Variants in RAB9A observed in about 807,000 individuals in gnomAD.
The protein encoded by RAB9A is ras-related protein Rab-9A.
In RAB9A, 1 loss-of-function variant was observed where a neutral mutation model predicts 10.3. The observed-to-expected ratio is 0.10, with a 90% CI of 0.03 to 0.46. The LOEUF (loss-of-function observed/expected upper bound fraction) is 0.46. Among genes scored for constraint, RAB9A ranks in the 20% least tolerant of loss-of-function variants. The pLI is 0.96. For missense variants in RAB9A, 92 were observed against 150.3 expected, an observed-to-expected ratio of 0.61 and a Z score of 2.03; for synonymous variants, 39 against 55.2, an observed-to-expected ratio of 0.71 and a Z score of 1.30.
chrX:13,695,448 T>G (rs2046143291), intron 1 of RAB9A, among the ~76,000 whole-genome samples: 1 of 111,924 alleles, frequency 8.9e-6, no homozygotes, highest in Non-Finnish European at 1.9e-5. Flanking sequence ...GTGTCCAACT[T>G]GCAGGTAATT....
At chrX:13,703,134 T>A (rs1354191847) in intron 1 of RAB9A, among the ~76,000 whole-genome samples, 1 of 112,582 alleles carries the variant, frequency 8.9e-6, no homozygotes, top group Non-Finnish European at 1.9e-5. Context: ...TTCTTACCAT[T>A]TGCAATTGCT....
At position 13,709,282 on chromosome X, in the gene RAB9A, C is replaced by T. The variant is rs1305926084; in HGVS notation, c.536C>T (p.Ser179Leu). Residue 179 changes from serine to leucine, a missense_variant, in exon 3 of 3, where the codon TCA (serine) becomes TTA (leucine). Transcript: ENST00000464506. The stretch of plus-strand genomic sequence containing the variant: ...AGAGTTCTTGCTACCGAGGATAGGT[C>T]AGATCATTTGATTCAGACAGACACA... ...VRRVLATEDR[S>L]DHLIQTDTVN... 14 of 1,210,935 alleles carry T rather than the reference C, an allele frequency of 1.2e-5. No homozygotes were observed. The highest frequency in any genetic ancestry group is 1.6e-5 in the Non-Finnish European group (14 of 895,095).
At chrX:13,706,732 A>G (rs1386600615) in intron 2 of RAB9A, among the ~76,000 whole-genome samples, 1 of 110,590 alleles carries the variant, frequency 9.0e-6, no homozygotes, top group Admixed American at 9.7e-5. Context: ...AGTAAGAGGT[A>G]GGGACTAAGG....
At chrX:13,696,521 G>A (rs1199892399) in intron 1 of RAB9A, among the ~76,000 whole-genome samples, 2 of 112,161 alleles carry the variant, frequency 1.8e-5, no homozygotes, top group African/African-American at 6.5e-5. Flanking sequence ...ATACTAGCTG[G>A]GCCTCAGGTG....
intron 2 of RAB9A, 60 bp from the exon 3 acceptor site, chrX:13,708,661 G>C (rs1043504219): frequency 2.0e-6 from 2 of 1,005,843 alleles, no homozygotes; most frequent in South Asian, 2.4e-5. Flanking sequence ...GATATTCGTA[G>C]AATCATGTAG....
At chrX:13,706,554 A>ATTT (rs397937858) in intron 2 of RAB9A, among the ~76,000 whole-genome samples, 3 of 97,396 alleles carry the variant, frequency 3.1e-5, no homozygotes, top group Non-Finnish European at 6.3e-5. Context: ...CGTCCAGCTA[A>ATTT]TTTTTTTTTT....
At chrX:13,697,544 A>C (rs1169893232) in intron 1 of RAB9A, among the ~76,000 whole-genome samples, 1 of 111,921 alleles carries the variant, frequency 8.9e-6, no homozygotes, top group Admixed American at 9.5e-5. Context: ...AATTATTCTC[A>C]CTTCTCAGGA....
At chrX:13,689,966 C>G (rs1602692890) in intron 1 of RAB9A, among the ~76,000 whole-genome samples, 1 of 95,492 alleles carries the variant, frequency 1.0e-5, no homozygotes. Flanking sequence ...GGACGTATTG[C>G]TTTTTTTTTT....
chrX:13,704,776 G>A (rs930433506), intron 2 of RAB9A, among the ~76,000 whole-genome samples: 1 of 110,157 alleles, frequency 9.1e-6, no homozygotes, highest in Non-Finnish European at 1.9e-5. Flanking sequence ...TACCACGCCC[G>A]GCTAATTTTT....
chrX:13,704,550 G>C (rs1410647374), intron 2 of RAB9A, among the ~76,000 whole-genome samples: 2 of 110,067 alleles, frequency 1.8e-5, no homozygotes, highest in African/African-American at 6.6e-5. Flanking sequence ...TGCTTGAATT[G>C]AACAATTAAA....
Position 13,709,034 on chromosome X carries a change from G to T in RAB9A, c.288G>T (p.Gln96His). The T allele has an allele frequency of 8.3e-7, 1 of 1,211,386 alleles. No individual in the cohort carries two copies. Among genetic ancestry groups the T allele is most frequent in the South Asian group, 1.8e-5 (1 of 56,942 alleles). ...GTGTCGATGATTCACAAAGCTTCCA[G>T]AACTTAAGTAACTGGAAGAAAGAAT... ...TFSVDDSQSF[Q>H]NLSNWKKEFI... The change falls in exon 3 of 3, where the codon CAG becomes CAT. Residue 96 changes from glutamine (Q) to histidine (H), a missense_variant. Coordinates refer to ENST00000464506, the MANE Select transcript of RAB9A (RefSeq NM_004251.5).
chrX:13,691,383 T>C (rs1015422971), intron 1 of RAB9A, among the ~76,000 whole-genome samples: 4 of 111,852 alleles, frequency 3.6e-5, no homozygotes, highest in Admixed American at 9.5e-5. Flanking sequence ...AGTGAGTGGC[T>C]GGGCACGGTG....
rs2046174085 is a variant in RAB9A, at chrX:13,701,601, TA to T, written c.-115-2212del. Among the ~76,000 whole-genome samples the T allele has an allele frequency of 2.7e-5, 3 of 111,102 alleles. No homozygotes were observed. The East Asian group carries it at 8.5e-4, about 31-fold the overall frequency. On this transcript the variant is annotated intron_variant, in intron 1 of 2. Coordinates refer to ENST00000464506, the MANE Select transcript of RAB9A (RefSeq NM_004251.5). ...CATGTTTCACTTTTATTAGACATAG[TA>T]GGCATGTCAATTACAGAATTCCTTA...
chrX:13,703,337 T>C (rs1202943370), intron 1 of RAB9A, among the ~76,000 whole-genome samples: 2 of 112,263 alleles, frequency 1.8e-5, no homozygotes, highest in Non-Finnish European at 3.8e-5. Flanking sequence ...AGTATCGTCA[T>C]GTGTAATAGG....
intron 1 of RAB9A, among the ~76,000 whole-genome samples, chrX:13,691,517 A>G (rs750410537): frequency 6.4e-5 from 7 of 109,717 alleles, no homozygotes; most frequent in Non-Finnish European, 1.3e-4. Flanking sequence ...AAAATTAGCC[A>G]GGCGTGGTGG....
chrX:13,701,494 A>G (rs956785), intron 1 of RAB9A, among the ~76,000 whole-genome samples: 31,830 of 110,268 alleles, frequency 0.29, 3,489 homozygotes, highest in South Asian at 0.47. Flanking sequence ...TTTTGGTGCA[A>G]TCTAAAACAT....
At chrX:13,691,874 C>G (rs1193468309) in intron 1 of RAB9A, among the ~76,000 whole-genome samples, 1 of 109,519 alleles carries the variant, frequency 9.1e-6, no homozygotes, top group African/African-American at 3.3e-5. Flanking sequence ...GTGGGGAGTC[C>G]CAACCTTCCT....
chrX:13,709,103 T>G lies in RAB9A; in HGVS notation c.357T>G (p.Phe119Leu). ...TGAAAGAGCCTGAGAGCTTTCCTTTTGTGATTCTGGGTAACAAGATTGACA... is the reference window on the plus strand; with the variant it reads ...TGAAAGAGCCTGAGAGCTTTCCTTTGGTGATTCTGGGTAACAAGATTGACA... ...ADVKEPESFP[F>L]VILGNKIDIS... The change falls in exon 3 of 3, where the codon TTT becomes TTG. Residue 119 changes from phenylalanine (F) to leucine (L), a missense_variant. Physicochemically the swap from Phe to Leu is conservative, Grantham distance 22 (BLOSUM62 0). Coordinates refer to ENST00000464506, the MANE Select transcript of RAB9A (RefSeq NM_004251.5). The G allele has an allele frequency of 8.3e-7, 1 of 1,211,806 alleles. No homozygotes were observed. The highest frequency in any genetic ancestry group is 1.1e-6 in the Non-Finnish European group (1 of 895,549).
intron 2 of RAB9A, among the ~76,000 whole-genome samples, chrX:13,705,742 T>C (rs2046194372): frequency 9.0e-6 from 1 of 111,649 alleles, no homozygotes; most frequent in Non-Finnish European, 1.9e-5. Flanking sequence ...ACATGGAAAT[T>C]GTGTGAAAGG....
Sources: allele counts gnomAD v4.1 joint callset (sites outside exome capture counted in the v4.1 genomes callset), GRCh38; gene constraint gnomAD v4.1.1; transcripts MANE v1.5; gene names NCBI Gene and HGNC (gene_info 2026-07-23, HGNC 2026-07-21).